Variants in HDHD5 observed in about 807,000 individuals in gnomAD.
The protein encoded by HDHD5 is haloacid dehalogenase-like hydrolase domain-containing 5.
Under a neutral mutation model 35.5 loss-of-function variants are expected in HDHD5, and 34 were observed. The ratio of observed to expected loss-of-function variants is 0.96; its 90% CI spans 0.73 to 1.28. The LOEUF (loss-of-function observed/expected upper bound fraction) is 1.28, where lower values mean the gene tolerates loss of function less well. Ranked by LOEUF, HDHD5 falls within the 50% of genes most tolerant of loss-of-function variation. The pLI is 0.00. For synonymous variants in HDHD5, 248 were observed against 240.6 expected (o/e 1.03, Z -0.29); for missense variants, 589 against 560.2 (o/e 1.05, Z -0.52).
intron 3 of HDHD5, 46 bp from the exon 4 acceptor site, chr22:17,145,163 T>G (rs1025521564): frequency 1.9e-6 from 3 of 1,610,892 alleles, no homozygotes; most frequent in Non-Finnish European, 2.5e-6. Context: ...TTGGGGAAGA[T>G]GCCTTTCTGA....
chr22:17,159,426 T>C (rs1164009823), upstream of HDHD5: 2 of 684,456 alleles, frequency 2.9e-6, no homozygotes, highest in African/African-American at 1.9e-5. Context: ...AGGGGCTCCG[T>C]TGCAAGGAAG....
chr22:17,164,988 GA>G, intron 1 of HDHD5, among the ~76,000 whole-genome samples: 1 of 152,286 alleles, frequency 6.6e-6, no homozygotes, highest in South Asian at 2.1e-4. Flanking sequence ...GGGCTTGCAG[GA>G]GGGTTTACTG....
upstream of HDHD5, among the ~76,000 whole-genome samples, chr22:17,160,660 A>AAT (rs1374489734): frequency 4.7e-5 from 7 of 149,160 alleles, no homozygotes; most frequent in East Asian, 6.0e-4. Context: ...AAAAAAAAAA[A>AAT]AATAATAATA....
chr22:17,144,452 T>C (rs2061635459), intron 4 of HDHD5, among the ~76,000 whole-genome samples: 1 of 151,142 alleles, frequency 6.6e-6, no homozygotes. Flanking sequence ...CTCGCTCTGT[T>C]GCCCAGGCTG....
chr22:17,155,481 G>A (rs1484715015), intron 1 of HDHD5, among the ~76,000 whole-genome samples: 1 of 152,038 alleles, frequency 6.6e-6, no homozygotes, highest in Non-Finnish European at 1.5e-5. Context: ...TCCTGACCTC[G>A]TGATCCGCCC....
chr22:17,160,660 A>AAAT (rs1177120865), upstream of HDHD5, among the ~76,000 whole-genome samples: 54 of 149,154 alleles, frequency 3.6e-4, no homozygotes, highest in African/African-American at 1.3e-3. Flanking sequence ...AAAAAAAAAA[A>AAAT]AATAATAATA....
chr22:17,154,835 T>A (rs574982217), intron 1 of HDHD5, among the ~76,000 whole-genome samples: 4 of 151,800 alleles, frequency 2.6e-5, no homozygotes, highest in Non-Finnish European at 5.9e-5. Context: ...CTCCCTATGT[T>A]GCCCAGGCTG....
At position 17,157,113 on chromosome 22, in the gene HDHD5, C is replaced by CAA. The variant is rs1555881536; in HGVS notation, c.126+2011_126+2012dup. Among the ~76,000 whole-genome samples, 1,378 of 145,058 alleles carry CAA rather than the reference C, an allele frequency of 9.5e-3. 70 individuals are homozygous for CAA. The South Asian group carries it at 0.11, about 12-fold the overall frequency. On this transcript the variant is annotated intron_variant, in intron 1 of 7. Transcript: ENST00000336737. ...ACACACACACACACACACACACACA[C>CAA]AAAAGAAAAAAGCTATGGAACAATG...
At chr22:17,146,062 G>A (rs542168558) in intron 3 of HDHD5, among the ~76,000 whole-genome samples, 3 of 152,104 alleles carry the variant, frequency 2.0e-5, no homozygotes, top group South Asian at 2.1e-4. Context: ...GCAATAAAGC[G>A]TGCCCTGCTT....
At chr22:17,160,659 A>AAAT (rs1049145524), upstream of HDHD5, among the ~76,000 whole-genome samples, 3 of 149,916 alleles carry the variant, frequency 2.0e-5, no homozygotes, top group Admixed American at 6.6e-5. Context: ...GAAAAAAAAA[A>AAAT]AAATAATAAT....
At chr22:17,138,799 A>T in intron 6 of HDHD5, 61 bp from the exon 7 acceptor site, 1 of 1,580,182 alleles carries the variant, frequency 6.3e-7, no homozygotes, top group Non-Finnish European at 8.7e-7. Context: ...TCTAGAGAAC[A>T]CGACTGCCAC....
chr22:17,145,543 T>C (rs1247072652), intron 3 of HDHD5, among the ~76,000 whole-genome samples: 6 of 151,994 alleles, frequency 3.9e-5, no homozygotes, highest in Non-Finnish European at 8.8e-5. Flanking sequence ...TCTCTACAAA[T>C]AAAGTCAGCT....
chr22:17,151,442 G>A (rs567980976), intron 1 of HDHD5, among the ~76,000 whole-genome samples: 1 of 152,036 alleles, frequency 6.6e-6, no homozygotes, highest in East Asian at 1.9e-4. Context: ...CAGAAATGGC[G>A]CTACAGGCCA....
chr22:17,141,063 G>C lies in HDHD5; in HGVS notation c.742C>G (p.Pro248Ala). 6.3e-7 allele frequency: 1 copy of C among 1,582,806 alleles called. No individual in the cohort carries two copies. ...CTGGGAGCTTTGTGTCCTCACCTGG[G>C]CATCTTGGCTTCAGCCATCCACAGG... ...DLLWMAEAKM[P>A]RFGHGTFLLC... The change falls in exon 6 of 8, where the codon CCC becomes GCC. Residue 248 changes from proline (P) to alanine (A), a missense_variant. Coordinates refer to ENST00000336737, the MANE Select transcript of HDHD5 (RefSeq NM_033070.3).
intron 6 of HDHD5, among the ~76,000 whole-genome samples, chr22:17,139,549 G>A (rs2061576635): frequency 1.3e-5 from 2 of 151,588 alleles, no homozygotes; most frequent in South Asian, 4.2e-4. Context: ...CAAACAAACT[G>A]GGGACGGTAT....
chr22:17,141,779 T>C (rs1210530328), intron 5 of HDHD5: 1 of 180,540 alleles, frequency 5.5e-6, no homozygotes, highest in African/African-American at 2.4e-5. Flanking sequence ...AGCACTTAGC[T>C]ATTGTGAGGA....
chr22:17,148,774 G>C (rs1380370516), intron 2 of HDHD5, among the ~76,000 whole-genome samples: 3 of 152,180 alleles, frequency 2.0e-5, no homozygotes, highest in African/African-American at 7.2e-5. Context: ...TGCCACACAA[G>C]AGACCAGAAA....
At chr22:17,159,454 G>C, upstream of HDHD5, 1 of 570,128 alleles carries the variant, frequency 1.8e-6, no homozygotes, top group Non-Finnish European at 3.1e-6. Context: ...GGGTCCCGCC[G>C]CCTCCTAGAC....
upstream of HDHD5, chr22:17,159,546 A>C (rs1431336442): frequency 8.9e-6 from 4 of 451,516 alleles, no homozygotes; most frequent in Non-Finnish European, 1.8e-5. Context: ...GTGCCTGCGG[A>C]TCCCGGTAAC....
Sources: gnomAD v4.1 joint callset for allele counts (sites outside exome capture counted in the v4.1 genomes callset) on GRCh38, gnomAD v4.1.1 for gene constraint, MANE v1.5 for transcripts, NCBI Gene and HGNC (gene_info 2026-07-23, HGNC 2026-07-21) for gene names.